The following SCOC variants were observed in gnomAD, a reference collection of about 807,000 sequenced individuals.
The protein encoded by SCOC is short coiled-coil protein.
In SCOC, 7 loss-of-function variants were observed where a neutral mutation model predicts 9.9. The observed-to-expected ratio is 0.71, with a 90% CI of 0.40 to 1.33. The LOEUF (loss-of-function observed/expected upper bound fraction) is 1.33, where lower values mean the gene tolerates loss of function less well. Ranked by LOEUF, SCOC falls within the 40% of genes most tolerant of loss-of-function variation. The pLI, the probability that SCOC is intolerant of heterozygous loss-of-function variation, is 0.01. For synonymous variants in SCOC, 19 were observed against 28.2 expected (o/e 0.67, Z 1.03); for missense variants, 66 against 89.7 (o/e 0.74, Z 1.07).
At chr4:140,289,589 A>G (rs948894947) in intron 1 of SCOC, among the ~76,000 whole-genome samples, 9 of 152,238 alleles carry the variant, frequency 5.9e-5, no homozygotes, top group Non-Finnish European at 1.0e-4. Flanking sequence ...ATTGGTACCC[A>G]TACCTGTGAA....
At chr4:140,329,450 G>A (rs886713860) in intron 1 of SCOC, among the ~76,000 whole-genome samples, 2 of 152,050 alleles carry the variant, frequency 1.3e-5, no homozygotes, top group African/African-American at 4.8e-5. Flanking sequence ...ACAAATAGAT[G>A]GAACTTAATT....
chr4:140,316,077 A>G (rs1340169764), intron 1 of SCOC, among the ~76,000 whole-genome samples: 2 of 152,152 alleles, frequency 1.3e-5, no homozygotes, highest in Non-Finnish European at 2.9e-5. Flanking sequence ...CCTCATTGGC[A>G]GAAACACCAA....
At chr4:140,341,167 G>A (rs959553360), upstream of SCOC, among the ~76,000 whole-genome samples, 11 of 151,996 alleles carry the variant, frequency 7.2e-5, no homozygotes, top group African/African-American at 2.7e-4. Context: ...TCAGAAAAAA[G>A]GCAAAGAATC....
chr4:140,279,938 C>T (rs532540251), intron 1 of SCOC, among the ~76,000 whole-genome samples: 3 of 152,216 alleles, frequency 2.0e-5, no homozygotes, highest in South Asian at 4.1e-4. Flanking sequence ...GATGCTCTAG[C>T]TTTCAACATA....
intron 1 of SCOC, among the ~76,000 whole-genome samples, chr4:140,286,721 T>G (rs921358647): frequency 1.3e-5 from 2 of 152,268 alleles, no homozygotes; most frequent in East Asian, 3.9e-4. Flanking sequence ...TGTGGCCCAA[T>G]ACTGGGCGGT....
At chr4:140,358,700 T>C (rs892971141) in intron 2 of SCOC, among the ~76,000 whole-genome samples, 2 of 152,182 alleles carry the variant, frequency 1.3e-5, no homozygotes, top group African/African-American at 2.4e-5. Context: ...CTCAAATCCT[T>C]TTCTGTGTTT....
rs1289737997 is a variant in SCOC, at chr4:140,267,666, C to T, written c.-19+10256C>T. Among the ~76,000 whole-genome samples the T allele has an allele frequency of 2.6e-5, 4 of 152,228 alleles. No homozygotes were observed. The East Asian group carries it at 5.8e-4, about 22-fold the overall frequency. On this transcript the variant is annotated intron_variant, in intron 1 of 4. Transcript: ENST00000394205. ...TTGCCAGACAGGTCCACTAAGGGTC[C>T]AGCCTCCACCCAGTGACGTGGAGAC...
exon 2 of SCOC, chr4:140,343,645 G>C (rs1285371777): frequency 6.2e-7 from 1 of 1,612,806 alleles, no homozygotes; most frequent in Non-Finnish European, 8.5e-7. Flanking sequence ...CAAGATGGAC[G>C]GGTCCAGGAA....
chr4:140,278,138 C>T lies in SCOC; in HGVS notation c.-19+20728C>T, dbSNP rs527648302. Among the ~76,000 whole-genome samples the T allele has an allele frequency of 4.6e-5, 7 of 152,222 alleles. No individual in the cohort carries two copies. In the South Asian group the frequency reaches 1.2e-3, roughly 27 times the overall value. On this transcript the variant is annotated intron_variant, in intron 1 of 4. Coordinates refer to the SCOC transcript ENST00000394205. The stretch of plus-strand genomic sequence containing the variant: ...TATAGACTGGATAATTTATAAACAG[C>T]GGAAATTTATTTCTCACAGTTCTAG...
chr4:140,325,827 G>C (rs891742775), intron 1 of SCOC, among the ~76,000 whole-genome samples: 1 of 152,016 alleles, frequency 6.6e-6, no homozygotes, highest in African/African-American at 2.4e-5. Flanking sequence ...CCCAATCCAA[G>C]GCATTTATCC....
chr4:140,285,730 T>A (rs974239503), intron 1 of SCOC, among the ~76,000 whole-genome samples: 1 of 152,184 alleles, frequency 6.6e-6, no homozygotes, highest in African/African-American at 2.4e-5. Context: ...AACCAAGACA[T>A]TGCTAAGCAG....
chr4:140,344,317 G>GT (rs1198281348), intron 2 of SCOC, among the ~76,000 whole-genome samples: 1 of 152,108 alleles, frequency 6.6e-6, no homozygotes, highest in African/African-American at 2.4e-5. Flanking sequence ...AAGTCCTTGG[G>GT]TGTGTGTGGG....
chr4:140,300,746 G>A (rs916313899), intron 1 of SCOC, among the ~76,000 whole-genome samples: 6 of 152,258 alleles, frequency 3.9e-5, no homozygotes, highest in African/African-American at 1.2e-4. Context: ...AACAGTGCTG[G>A]TGGGAATTCT....
chr4:140,292,933 C>T (rs779051808), intron 1 of SCOC, among the ~76,000 whole-genome samples: 1 of 152,200 alleles, frequency 6.6e-6, no homozygotes, highest in African/African-American at 2.4e-5. Context: ...TCTGTGTTGG[C>T]AGCTCAGCTG....
At chr4:140,373,331 A>T, upstream of SCOC, 3 of 1,407,858 alleles carry the variant, frequency 2.1e-6, no homozygotes, top group Non-Finnish European at 2.8e-6. Flanking sequence ...TGGGATTCTC[A>T]CTCCAATTCT....
chr4:140,288,551 CACAA>C (rs757042266), intron 1 of SCOC, among the ~76,000 whole-genome samples: 14 of 151,812 alleles, frequency 9.2e-5, no homozygotes, highest in Non-Finnish European at 1.3e-4. Context: ...ATATCCGTAC[CACAA>C]ACATATATAC....
At chr4:140,312,578 C>T (rs1732189163) in intron 1 of SCOC, among the ~76,000 whole-genome samples, 4 of 151,994 alleles carry the variant, frequency 2.6e-5, no homozygotes, top group Admixed American at 2.6e-4. Flanking sequence ...AGGTGTGCAC[C>T]ACCATGCCTG....
intron 2 of SCOC, among the ~76,000 whole-genome samples, chr4:140,352,130 C>T (rs1727006889): frequency 6.6e-6 from 1 of 152,188 alleles, no homozygotes; most frequent in Non-Finnish European, 1.5e-5. Flanking sequence ...GAACCCCCTG[C>T]CACCAGTGCC....
At chr4:140,303,827 C>T (rs1324047128) in intron 1 of SCOC, among the ~76,000 whole-genome samples, 3 of 152,190 alleles carry the variant, frequency 2.0e-5, no homozygotes, top group Non-Finnish European at 2.9e-5. Context: ...AGTCCCTTCC[C>T]ACTATTTTCT....
Sources: allele counts gnomAD v4.1 joint callset (sites outside exome capture counted in the v4.1 genomes callset), GRCh38; gene constraint gnomAD v4.1.1; transcripts MANE v1.5; gene names NCBI Gene and HGNC (gene_info 2026-07-23, HGNC 2026-07-21).